SBF2: variants seen among roughly 807,000 people sequenced by gnomAD.
SBF2 encodes myotubularin-related protein 13.
SBF2 carries 112 observed loss-of-function variants against 225.2 expected under a neutral mutation model. The ratio of observed to expected loss-of-function variants is 0.50; its 90% CI spans 0.43 to 0.58. The LOEUF (loss-of-function observed/expected upper bound fraction) is 0.58, where lower values mean the gene tolerates loss of function less well. Among genes scored for constraint, SBF2 ranks in the 20% least tolerant of loss-of-function variants. The probability of loss-of-function intolerance (pLI) is 0.00; values close to 1 mark genes in which losing one functional copy is unlikely to be tolerated. For missense variants in SBF2, 1,996 were observed against 2,206.2 expected (o/e 0.90, Z 1.91); for synonymous variants, 763 against 773.3 (o/e 0.99, Z 0.22).
At chr11:10,294,699 G>A (rs761095524), upstream of SBF2, among the ~76,000 whole-genome samples, 4 of 152,250 alleles carry the variant, frequency 2.6e-5, no homozygotes, top group Non-Finnish European at 5.9e-5. Flanking sequence ...GCAGACGGGG[G>A]AGGGAGAGGC....
intron 2 of SBF2, among the ~76,000 whole-genome samples, chr11:10,183,929 C>T (rs55923449): frequency 0.011 from 1,621 of 152,194 alleles, 35 homozygotes; most frequent in African/African-American, 0.037. Context: ...TCTGTAGCAC[C>T]GTTAAGGTGA....
intron 1 of SBF2, among the ~76,000 whole-genome samples, chr11:10,200,711 C>T (rs1957539401): frequency 2.0e-5 from 3 of 151,856 alleles, no homozygotes; most frequent in Non-Finnish European, 2.9e-5. Flanking sequence ...TTTTTAGTTA[C>T]AGATATATAC....
intron 9 of SBF2, among the ~76,000 whole-genome samples, chr11:9,996,035 C>T (rs1428076779): frequency 2.0e-5 from 3 of 152,160 alleles, no homozygotes; most frequent in Non-Finnish European, 2.9e-5. Flanking sequence ...TATAACAATA[C>T]GTATACTCAG....
chr11:9,804,962 T>C (rs1853714975), intron 32 of SBF2, among the ~76,000 whole-genome samples: 1 of 152,180 alleles, frequency 6.6e-6, no homozygotes, highest in Non-Finnish European at 1.5e-5. Context: ...TTTAAAATAT[T>C]AGCTGGGCAT....
At chr11:9,887,803 C>G (rs1825480131) in intron 17 of SBF2, among the ~76,000 whole-genome samples, 1 of 151,846 alleles carries the variant, frequency 6.6e-6, no homozygotes, top group African/African-American at 2.4e-5. Flanking sequence ...CCCACTCCCT[C>G]CCCTATCTTT....
intron 1 of SBF2, among the ~76,000 whole-genome samples, chr11:10,241,965 C>T (rs1186414554): frequency 6.6e-6 from 1 of 151,836 alleles, no homozygotes; most frequent in Non-Finnish European, 1.5e-5. Context: ...CTACAGACCA[C>T]ACCACCAGAC....
chr11:10,203,848 A>C (rs1422321567), intron 1 of SBF2, among the ~76,000 whole-genome samples: 1 of 152,090 alleles, frequency 6.6e-6, no homozygotes, highest in African/African-American at 2.4e-5. Context: ...ACTGGGAAAA[A>C]GACAAAAAAA....
intron 6 of SBF2, among the ~76,000 whole-genome samples, chr11:10,013,690 G>C (rs1176282382): frequency 1.3e-5 from 2 of 152,154 alleles, no homozygotes; most frequent in Admixed American, 1.3e-4. Flanking sequence ...TCTGTATCAA[G>C]ACACTTTAAG....
chr11:10,183,904 T>A (rs12288486), intron 2 of SBF2, among the ~76,000 whole-genome samples: 14,514 of 152,188 alleles, frequency 0.095, 948 homozygotes, highest in East Asian at 0.29. Flanking sequence ...AAATGGGAAA[T>A]ATAAGTTCTC....
intron 2 of SBF2, among the ~76,000 whole-genome samples, chr11:10,126,010 A>G (rs1346707577): frequency 2.6e-5 from 4 of 152,218 alleles, no homozygotes; most frequent in Admixed American, 1.3e-4. Context: ...TTCTATCCAC[A>G]TGACTTATTA....
intron 16 of SBF2, among the ~76,000 whole-genome samples, chr11:9,906,294 G>C (rs1590393819): frequency 6.6e-6 from 1 of 152,154 alleles, no homozygotes; most frequent in African/African-American, 2.4e-5. Flanking sequence ...TCACAGCAGG[G>C]CTTCATTTGT....
intron 2 of SBF2, among the ~76,000 whole-genome samples, chr11:10,158,652 T>C (rs1450318197): frequency 6.6e-6 from 1 of 152,090 alleles, no homozygotes; most frequent in African/African-American, 2.4e-5. Flanking sequence ...AGATGAATAA[T>C]AAGCAAGGAG....
Position 10,286,353 on chromosome 11 carries a change from T to TTG in SBF2, c.55+7661_55+7662insCA, listed in dbSNP as rs1342357736. Among the ~76,000 whole-genome samples, 43 of 150,320 alleles carry TTG rather than the reference T, an allele frequency of 2.9e-4. 1 individual carries two copies. Among genetic ancestry groups the TTG allele is most frequent in the African/African-American group, 7.3e-4 (30 of 41,136 alleles). On this transcript the variant is annotated intron_variant, in intron 1 of 39. Transcript: ENST00000256190. ...CTAGAGGAAGTTTTTGTTCTTTGGT[T>TTG]TTTTTTTTTTTGAGACAGTCTTGCT...
chr11:10,253,118 C>CAAAAAAAAAAAAAAA (rs546522229), intron 1 of SBF2, among the ~76,000 whole-genome samples: 2 of 77,288 alleles, frequency 2.6e-5, no homozygotes, highest in African/African-American at 5.0e-5. Flanking sequence ...AGGTAAATAC[C>CAAAAAAAAAAAAAAA]AAAAAAAAAA....
intron 16 of SBF2, among the ~76,000 whole-genome samples, chr11:9,942,868 GAAGA>G (rs1565038676): frequency 1.9e-5 from 2 of 107,436 alleles, no homozygotes; most frequent in South Asian, 3.2e-4. Flanking sequence ...AGGAAGAAAG[GAAGA>G]AAGAAAGAAA....
chr11:9,870,896 C>T (rs1396480446), intron 17 of SBF2, among the ~76,000 whole-genome samples: 2 of 151,382 alleles, frequency 1.3e-5, no homozygotes, highest in African/African-American at 4.9e-5. Context: ...ATCGCCTGAA[C>T]CCAGGAGGTG....
chr11:10,142,887 T>C (rs1303821369), intron 2 of SBF2, among the ~76,000 whole-genome samples: 2 of 152,204 alleles, frequency 1.3e-5, no homozygotes, highest in African/African-American at 2.4e-5. Flanking sequence ...TAACTTGAGA[T>C]GTCTCCAAAG....
intron 13 of SBF2, among the ~76,000 whole-genome samples, chr11:9,971,933 G>A (rs957141245): frequency 3.0e-4 from 45 of 152,174 alleles, no homozygotes; most frequent in African/African-American, 1.1e-3. Context: ...AAGGATGAAT[G>A]GAATAGAATA....
intron 2 of SBF2, among the ~76,000 whole-genome samples, chr11:10,119,264 T>C (rs1953318864): frequency 6.6e-6 from 1 of 152,124 alleles, no homozygotes; most frequent in Non-Finnish European, 1.5e-5. Context: ...GTTCCGCTTG[T>C]TTTTCCCATG....
Sources: gnomAD v4.1 joint callset for allele counts (sites outside exome capture counted in the v4.1 genomes callset) on GRCh38, gnomAD v4.1.1 for gene constraint, MANE v1.5 for transcripts, NCBI Gene and HGNC (gene_info 2026-07-23, HGNC 2026-07-21) for gene names.